Variants in ABLIM2 observed in about 807,000 individuals in gnomAD.
The protein encoded by ABLIM2 is actin-binding LIM protein 2.
Under a neutral mutation model 97.7 loss-of-function variants are expected in ABLIM2, and 53 were observed. That is an observed-to-expected ratio of 0.54 (90% confidence interval 0.44 to 0.68). The LOEUF is 0.68. ABLIM2 is among the 30% of genes least tolerant of loss of function. The pLI, the probability that ABLIM2 is intolerant of heterozygous loss-of-function variation, is 0.00. For missense variants in ABLIM2, 835 were observed against 867.2 expected (o/e 0.96, Z 0.47); for synonymous variants, 361 against 345.8 (o/e 1.04, Z -0.49).
intron 1 of ABLIM2, among the ~76,000 whole-genome samples, chr4:8,158,417 T>C (rs951344102): frequency 1.3e-5 from 2 of 152,064 alleles, no homozygotes; most frequent in African/African-American, 2.4e-5. Flanking sequence ...AAGGGGCGCC[T>C]TCCAGACATC....
rs1310601693 is a variant in ABLIM2, at chr4:7,994,095, T to C, written c.1619-1168A>G. ...GGGAAGCATTCTTTTTTTTTTTTTT[T>C]TTTTTTTTTTTTTTTATTATACTCT... On this transcript the variant is annotated intron_variant, in intron 16 of 20. Coordinates refer to ENST00000447017, the MANE Select transcript of ABLIM2 (RefSeq NM_001130083.2). 9.1e-4 allele frequency among the ~76,000 whole-genome samples: 46 copies of C among 50,630 alleles called. 6 individuals carry two copies. Among genetic ancestry groups the C allele is most frequent in the African/African-American group, 2.0e-3 (43 of 21,788 alleles). 33.2% of individuals were successfully genotyped at this position (50,630 alleles called of 152,430 possible). A position where few individuals can be genotyped will look rare whatever the true frequency, so the allele number is the denominator to read the frequency against.
chr4:8,158,419 CCAGACA>C (rs1217950141), intron 1 of ABLIM2, among the ~76,000 whole-genome samples: 3 of 152,194 alleles, frequency 2.0e-5, no homozygotes, highest in Admixed American at 2.0e-4. Flanking sequence ...GGGGCGCCTT[CCAGACA>C]TCCTGGCGCA....
chr4:8,116,104 G>A (rs1313542779), intron 1 of ABLIM2, among the ~76,000 whole-genome samples: 2 of 152,204 alleles, frequency 1.3e-5, no homozygotes, highest in African/African-American at 4.8e-5. Flanking sequence ...CAGACATTGT[G>A]GAGAGGAGAC....
Position 8,132,565 on chromosome 4 carries a change from G to A in ABLIM2, c.11-25928C>T, listed in dbSNP as rs558609337. On this transcript the variant is annotated intron_variant, in intron 1 of 20. Transcript: ENST00000447017. The surrounding 1 kb of genome is among the most constrained non-coding windows in gnomAD (Gnocchi z 8.0). ...CGTGGGGATGCTCCAGGCACCTCAC[G>A]GTCAGAAAACAGAATGCGGAAGGCC... 5.3e-5 allele frequency among the ~76,000 whole-genome samples: 8 copies of A among 152,256 alleles called. No homozygotes were observed. The highest frequency in any genetic ancestry group is 1.9e-4 in the East Asian group (1 of 5,166).
chr4:8,124,324 T>C lies in ABLIM2; in HGVS notation c.11-17687A>G, dbSNP rs1846839102. Among the ~76,000 whole-genome samples the C allele has an allele frequency of 6.6e-6, 1 of 152,230 alleles. No individual in the cohort carries two copies. Among genetic ancestry groups the C allele is most frequent in the Non-Finnish European group, 1.5e-5 (1 of 68,038 alleles). On this transcript the variant is annotated intron_variant, in intron 1 of 20. Coordinates refer to ENST00000447017, the MANE Select transcript of ABLIM2 (RefSeq NM_001130083.2). This position sits in a 1 kb window ranked among gnomAD's most constrained non-coding sequence, Gnocchi z 6.1. ...TTTGGAATGCACACTCAATGGCTTT[T>C]GGTATTTCACAGAGCTGCGTGCTGA...
intron 16 of ABLIM2, chr4:8,007,640 CA>C: frequency 2.0e-6 from 2 of 995,434 alleles, no homozygotes; most frequent in Non-Finnish European, 2.4e-6. Flanking sequence ...GGATGAGTCA[CA>C]GGGGACAGGG....
At chr4:7,997,975 G>A (rs1448388706) in intron 16 of ABLIM2, among the ~76,000 whole-genome samples, 5 of 151,420 alleles carry the variant, frequency 3.3e-5, no homozygotes, top group East Asian at 1.9e-4. Context: ...TCCGCCTCCC[G>A]GGTTCAAGTG....
intron 1 of ABLIM2, among the ~76,000 whole-genome samples, chr4:8,137,067 C>T (rs1850289990): frequency 6.6e-6 from 1 of 152,216 alleles, no homozygotes; most frequent in South Asian, 2.1e-4. Context: ...CCAACAGAGC[C>T]CACTCTCCGT....
rs111945861 is a variant in ABLIM2, at chr4:8,128,738, G to A, written c.11-22101C>T. 3.7e-4 allele frequency among the ~76,000 whole-genome samples: 57 copies of A among 152,216 alleles called. No individual in the cohort carries two copies. The highest frequency in any genetic ancestry group is 3.4e-3 in the Middle Eastern group (1 of 294). On this transcript the variant is annotated intron_variant, in intron 1 of 20. Transcript: ENST00000447017. This position sits in a 1 kb window ranked among gnomAD's most constrained non-coding sequence, Gnocchi z 4.9. ...CCCCAGTGTGACAGGATTTGGAGGC[G>A]GGACCTTTGGGAGGAATTAGGTCTT...
chr4:8,096,782 G>A (rs1376294966), intron 3 of ABLIM2, among the ~76,000 whole-genome samples: 3 of 152,218 alleles, frequency 2.0e-5, no homozygotes, highest in African/African-American at 4.8e-5. Context: ...AGGTGCAGGC[G>A]GAGCGGGGCC....
chr4:8,068,273 TG>T lies in ABLIM2; in HGVS notation c.676-7220del, dbSNP rs1001550061. On this transcript the variant is annotated intron_variant, in intron 6 of 20. Coordinates refer to ENST00000447017, the MANE Select transcript of ABLIM2 (RefSeq NM_001130083.2). The surrounding 1 kb of genome is among the most constrained non-coding windows in gnomAD (Gnocchi z 4.5). ...AGCAACTGAAAGACTTTGCAGTGAG[TG>T]GTTTTAGGAAGACATCTTGTGCCTT... 6.6e-6 allele frequency among the ~76,000 whole-genome samples: 1 copy of T among 151,814 alleles called. No individual in the cohort carries two copies. The highest frequency in any genetic ancestry group is 2.4e-5 in the African/African-American group (1 of 41,318).
chr4:8,079,217 T>C (rs1458760688), intron 5 of ABLIM2, among the ~76,000 whole-genome samples: 2 of 152,262 alleles, frequency 1.3e-5, no homozygotes, highest in African/African-American at 4.8e-5. Flanking sequence ...CAAATGCCGC[T>C]GACCTCAGGA....
chr4:7,967,625 C>G (rs560717549), intron 20 of ABLIM2, among the ~76,000 whole-genome samples: 2 of 152,330 alleles, frequency 1.3e-5, no homozygotes, highest in East Asian at 3.9e-4. Context: ...CCACCGGAAG[C>G]CCCTGGTGTG....
In ABLIM2 at chr4:8,001,429, G is replaced by A. The variant is rs1158189384; in HGVS notation, c.1618+6630C>T. On this transcript the variant is annotated intron_variant, in intron 16 of 20. Coordinates refer to ENST00000447017, the MANE Select transcript of ABLIM2 (RefSeq NM_001130083.2). This position sits in a 1 kb window ranked among gnomAD's most constrained non-coding sequence, Gnocchi z 4.2. The stretch of plus-strand genomic sequence containing the variant: ...AAGGCTAGTCCCCAGGCAACCCAAC[G>A]GCAGCGGCTGCTCCCTGGGGCTCCA... Among the ~76,000 whole-genome samples the A allele has an allele frequency of 2.6e-5, 4 of 152,250 alleles. No individual in the cohort carries two copies. Among genetic ancestry groups the A allele is most frequent in the South Asian group, 2.1e-4 (1 of 4,814 alleles).
At chr4:8,131,198 T>A (rs1183959248) in intron 1 of ABLIM2, among the ~76,000 whole-genome samples, 1 of 152,194 alleles carries the variant, frequency 6.6e-6, no homozygotes, top group Non-Finnish European at 1.5e-5. Context: ...CAGGACCTGA[T>A]ATGCTGAGGT....
chr4:8,007,375 G>A (rs1560563684), intron 16 of ABLIM2: 14 of 985,398 alleles, frequency 1.4e-5, no homozygotes, highest in Middle Eastern at 5.2e-4. Flanking sequence ...CCCCTGCTTC[G>A]AAGCTAAGCC....
chr4:7,974,762 C>T (rs1273281482), intron 20 of ABLIM2, among the ~76,000 whole-genome samples: 1 of 152,146 alleles, frequency 6.6e-6, no homozygotes, highest in African/African-American at 2.4e-5. Context: ...TCCATCTATC[C>T]ATCCATCTAT....
At chr4:8,006,997 T>C (rs1251967117) in intron 16 of ABLIM2, 1 of 984,552 alleles carries the variant, frequency 1.0e-6, no homozygotes, top group Non-Finnish European at 1.2e-6. Flanking sequence ...GACACCTGCT[T>C]ACAGAGATCA....
chr4:8,130,485 C>T lies in ABLIM2; in HGVS notation c.11-23848G>A, dbSNP rs2152929813. 6.6e-6 allele frequency among the ~76,000 whole-genome samples: 1 copy of T among 152,260 alleles called. No homozygotes were observed. Among genetic ancestry groups the T allele is most frequent in the Non-Finnish European group, 1.5e-5 (1 of 68,008 alleles). On this transcript the variant is annotated intron_variant, in intron 1 of 20. Transcript: ENST00000447017. This position sits in a 1 kb window ranked among gnomAD's most constrained non-coding sequence, Gnocchi z 4.2. ...CGCCGGCGCCGGGCACTGATCTGGG[C>T]CTTTCCACAGCTTTTTAGAATATCA...
Sources: gnomAD v4.1 joint callset for allele counts (sites outside exome capture counted in the v4.1 genomes callset) on GRCh38, gnomAD v4.1.1 for gene constraint, Gnocchi (gnomAD v3.1) non-coding constraint, MANE v1.5 for transcripts, NCBI Gene and HGNC (gene_info 2026-07-23, HGNC 2026-07-21) for gene names.